The following IGF2BP2 variants were observed in gnomAD, a reference collection of about 807,000 sequenced individuals.
IGF2BP2 encodes the protein insulin-like growth factor 2 mRNA-binding protein 2.
IGF2BP2 carries 17 observed loss-of-function variants against 75.8 expected under a neutral mutation model. The ratio of observed to expected loss-of-function variants is 0.22; its 90% CI spans 0.15 to 0.34. IGF2BP2 has a LOEUF of 0.34. Ranked by LOEUF, IGF2BP2 falls within the 10% of genes least tolerant of loss-of-function variation. The pLI is 1.00. For missense variants in IGF2BP2, 516 were observed against 772.4 expected, an observed-to-expected ratio of 0.67 and a Z score of 3.93; for synonymous variants, 288 against 295.6, an observed-to-expected ratio of 0.97 and a Z score of 0.26.
Position 185,825,015 on chromosome 3 carries a change from GCCTCCTCCGCTGCCCTCGTCTCTCCT to G in IGF2BP2, c.-81_-56del, listed in dbSNP as rs1199030828. The G allele has an allele frequency of 5.9e-6, 8 of 1,367,082 alleles. No homozygotes were observed. The highest frequency in any genetic ancestry group is 2.9e-5 in the East Asian group (1 of 33,966). 84.7% of individuals were successfully genotyped at this position (1,367,082 alleles called of 1,614,324 possible). ...CCCGGCCCGGTACCCGGCGCTCCTC[GCCTCCTCCGCTGCCCTCGTCTCTCCT>G]CCTCCTCCGCCCCCCCTCCCCGCCC... On this transcript the variant is annotated 5_prime_UTR_variant, in exon 1 of 16. Transcript: ENST00000382199.
At chr3:185,730,035 C>CT (rs1342995458) in intron 2 of IGF2BP2, among the ~76,000 whole-genome samples, 2 of 152,126 alleles carry the variant, frequency 1.3e-5, no homozygotes, top group African/African-American at 4.8e-5. Context: ...CGTGGATATA[C>CT]TGCATAATGA....
At chr3:185,810,771 C>CAA (rs999636588) in intron 2 of IGF2BP2, among the ~76,000 whole-genome samples, 4 of 94,460 alleles carry the variant, frequency 4.2e-5, no homozygotes, top group African/African-American at 1.4e-4. Flanking sequence ...GACTCTGTCT[C>CAA]AAAAAAAAAA....
At chr3:185,759,418 AC>A (rs979940191) in intron 2 of IGF2BP2, among the ~76,000 whole-genome samples, 1 of 152,254 alleles carries the variant, frequency 6.6e-6, no homozygotes, top group Non-Finnish European at 1.5e-5. Flanking sequence ...ATTCTTTAGC[AC>A]CTTGCTAAAA....
At chr3:185,810,426 T>C (rs1325837468) in intron 2 of IGF2BP2, among the ~76,000 whole-genome samples, 4 of 152,178 alleles carry the variant, frequency 2.6e-5, no homozygotes, top group African/African-American at 7.2e-5. Context: ...ACCACTATAT[T>C]TTCCTATGGC....
intron 5 of IGF2BP2, among the ~76,000 whole-genome samples, chr3:185,692,067 C>T (rs1290560881): frequency 6.6e-6 from 1 of 152,104 alleles, no homozygotes; most frequent in Non-Finnish European, 1.5e-5. Flanking sequence ...ATCTCATGTC[C>T]ATTAACAGCT....
chr3:185,666,628 C>CAATAAATA (rs530756178), intron 10 of IGF2BP2, among the ~76,000 whole-genome samples: 2 of 150,828 alleles, frequency 1.3e-5, no homozygotes, highest in African/African-American at 2.4e-5. Context: ...GACTCCAACT[C>CAATAAATA]AATAAATAAA....
intron 10 of IGF2BP2, among the ~76,000 whole-genome samples, chr3:185,667,941 A>T (rs982490576): frequency 6.6e-6 from 1 of 152,206 alleles, no homozygotes; most frequent in African/African-American, 2.4e-5. Flanking sequence ...TAAGACATGG[A>T]TATTGTTTTC....
At chr3:185,649,278 T>C in intron 14 of IGF2BP2, 125 bp downstream of exon 14, 1 of 1,297,236 alleles carries the variant, frequency 7.7e-7, no homozygotes, top group Non-Finnish European at 1.1e-6. Flanking sequence ...GAGCCTTAGT[T>C]TATCTGCCAA....
At chr3:185,736,396 A>ATAAT (rs137941131) in intron 2 of IGF2BP2, among the ~76,000 whole-genome samples, 6,771 of 152,260 alleles carry the variant, frequency 0.044, 495 homozygotes, top group African/African-American at 0.15. Flanking sequence ...TGGGGTAGAG[A>ATAAT]TAATTCCATG....
chr3:185,644,704 A>G lies in IGF2BP2; in HGVS notation c.*827T>C, dbSNP rs1312078821. ...AGGGGAGAGATAAACAGAGAGAGAC[A>G]GAGAATTATATAGCAGTATGCAAAA... On this transcript the variant is annotated 3_prime_UTR_variant, in exon 16 of 16. Transcript: ENST00000382199. The G allele has an allele frequency of 6.6e-6, 1 of 152,470 alleles. No homozygotes were observed. The allele number at this position is 152,470 out of a possible 1,614,324, so 9.4% of individuals were successfully genotyped here.
intron 2 of IGF2BP2, among the ~76,000 whole-genome samples, chr3:185,787,011 T>A (rs1162054418): frequency 2.0e-5 from 3 of 152,216 alleles, no homozygotes; most frequent in African/African-American, 7.2e-5. Context: ...TGCCCAAATC[T>A]GTCCTGTGGG....
intron 2 of IGF2BP2, among the ~76,000 whole-genome samples, chr3:185,809,957 A>G (rs1739577938): frequency 6.6e-6 from 1 of 152,196 alleles, no homozygotes; most frequent in Non-Finnish European, 1.5e-5. Flanking sequence ...CCAGTCCAGA[A>G]AATAGAGTTG....
intron 2 of IGF2BP2, among the ~76,000 whole-genome samples, chr3:185,810,272 C>G (rs1284164815): frequency 6.6e-6 from 1 of 152,104 alleles, no homozygotes; most frequent in Non-Finnish European, 1.5e-5. Flanking sequence ...CTCGAAGTTT[C>G]CTTTCGTTTA....
chr3:185,698,971 C>G (rs754669450), intron 2 of IGF2BP2, among the ~76,000 whole-genome samples: 1 of 152,148 alleles, frequency 6.6e-6, no homozygotes, highest in African/African-American at 2.4e-5. Context: ...TGTGCCACCA[C>G]ACTTGGCTAA....
chr3:185,726,094 G>C (rs1487008033), intron 2 of IGF2BP2, among the ~76,000 whole-genome samples: 2 of 152,188 alleles, frequency 1.3e-5, no homozygotes, highest in African/African-American at 4.8e-5. Context: ...AGCGGGACCA[G>C]GGTTAGCCAG....
chr3:185,735,158 T>C (rs966165791), intron 2 of IGF2BP2, among the ~76,000 whole-genome samples: 1 of 152,094 alleles, frequency 6.6e-6, no homozygotes, highest in Admixed American at 6.5e-5. Context: ...TTTTTTTTTT[T>C]TTTTTGAGAC....
chr3:185,728,040 C>T (rs1727600903), intron 2 of IGF2BP2, among the ~76,000 whole-genome samples: 1 of 152,182 alleles, frequency 6.6e-6, no homozygotes, highest in African/African-American at 2.4e-5. Context: ...TGACTGTACC[C>T]TACAGCTGGA....
chr3:185,687,012 C>G, intron 7 of IGF2BP2, 45 bp downstream of exon 7: 7 of 1,591,526 alleles, frequency 4.4e-6, no homozygotes, highest in Non-Finnish European at 6.0e-6. Context: ...GGAGAATCTA[C>G]TCTTTTTCTC....
chr3:185,677,031 A>C (rs1719542148), intron 7 of IGF2BP2, among the ~76,000 whole-genome samples: 1 of 114,698 alleles, frequency 8.7e-6, no homozygotes, highest in African/African-American at 3.4e-5. Context: ...AGAGAGATAT[A>C]TATATATATG....
Sources: allele counts gnomAD v4.1 joint callset (sites outside exome capture counted in the v4.1 genomes callset), GRCh38; gene constraint gnomAD v4.1.1; transcripts MANE v1.5; gene names NCBI Gene and HGNC (gene_info 2026-07-23, HGNC 2026-07-21).